RBFOX1: variants seen among roughly 807,000 people sequenced by gnomAD.
RBFOX1 encodes the protein RNA binding protein fox-1 homolog 1.
A neutral mutation model predicts 57.7 loss-of-function variants in RBFOX1; 8 were observed. The ratio of observed to expected loss-of-function variants is 0.14; its 90% CI spans 0.08 to 0.25. The LOEUF (loss-of-function observed/expected upper bound fraction) is 0.25. Among genes scored for constraint, RBFOX1 ranks in the 10% least tolerant of loss-of-function variants. The probability of loss-of-function intolerance (pLI) is 1.00; values close to 1 mark genes in which losing one functional copy is unlikely to be tolerated. For synonymous variants in RBFOX1, 326 were observed against 222.4 expected (o/e 1.47, Z -4.15); for missense variants, 611 against 548.5 (o/e 1.11, Z -1.14).
At chr16:6,315,532 CATGG>C (rs59618973) in intron 1 of RBFOX1, among the ~76,000 whole-genome samples, 66,555 of 140,774 alleles carry the variant, frequency 0.47, 15,990 homozygotes, top group African/African-American at 0.59. Flanking sequence ...TGGGTGAGTA[CATGG>C]ATGGATGGAT....
chr16:5,905,570 G>A lies in RBFOX1; in HGVS notation c.351+38235G>A, dbSNP rs572370022. ...CTACAAAAAAATGCAAAAACTGGCT[G>A]GATGTGGTGGTACACATCTGCCGTC... On this transcript the variant is annotated intron_variant, in intron 4 of 19. Transcript: ENST00000641259. Among the ~76,000 whole-genome samples, 47 of 152,244 alleles carry A rather than the reference G, an allele frequency of 3.1e-4. 2 individuals carry two copies. The highest frequency in any genetic ancestry group is 1.1e-3 in the African/African-American group (45 of 41,548).
At chr16:6,317,361 C>A (rs112968119) in intron 2 of RBFOX1, among the ~76,000 whole-genome samples, 3 of 151,670 alleles carry the variant, frequency 2.0e-5, no homozygotes, top group African/African-American at 4.8e-5. Flanking sequence ...TTTTTCTCCC[C>A]CTAAGGTTTT....
At chr16:6,666,335 A>T (rs990928865) in intron 3 of RBFOX1, among the ~76,000 whole-genome samples, 2 of 152,064 alleles carry the variant, frequency 1.3e-5, no homozygotes, top group Admixed American at 1.3e-4. Context: ...GGAGTTTGAA[A>T]CCAGCCTGGC....
chr16:6,818,990 C>A (rs530139220), intron 3 of RBFOX1, among the ~76,000 whole-genome samples: 17 of 84,598 alleles, frequency 2.0e-4, no homozygotes, highest in African/African-American at 5.2e-4. Context: ...GTCTGAGAAT[C>A]AAACTTGACA....
At chr16:6,918,332 C>G (rs2073715032) in intron 3 of RBFOX1, among the ~76,000 whole-genome samples, 1 of 151,584 alleles carries the variant, frequency 6.6e-6, no homozygotes, top group East Asian at 1.9e-4. Context: ...CCCAGGCCTA[C>G]CGAATCAGAC....
intron 3 of RBFOX1, among the ~76,000 whole-genome samples, chr16:6,691,645 A>G (rs2060224782): frequency 6.6e-6 from 1 of 152,188 alleles, no homozygotes; most frequent in African/African-American, 2.4e-5. Flanking sequence ...TGGCTTACAA[A>G]CGTAAAATGA....
intron 14 of RBFOX1, among the ~76,000 whole-genome samples, chr16:7,686,473 C>CCTTCGAACTAT (rs2076090883): frequency 6.6e-6 from 1 of 152,070 alleles, no homozygotes; most frequent in Non-Finnish European, 1.5e-5. Flanking sequence ...ATAAACCCAG[C>CCTTCGAACTAT]CTTCGAACTA....
At chr16:6,604,671 T>A (rs2097901932) in intron 2 of RBFOX1, among the ~76,000 whole-genome samples, 1 of 152,232 alleles carries the variant, frequency 6.6e-6, no homozygotes, top group Non-Finnish European at 1.5e-5. Flanking sequence ...TTTGTGCATA[T>A]TGAAACTTTT....
chr16:5,896,114 A>C (rs993261328), intron 4 of RBFOX1, among the ~76,000 whole-genome samples: 4 of 152,106 alleles, frequency 2.6e-5, no homozygotes, highest in Non-Finnish European at 5.9e-5. Context: ...AATTAGTATA[A>C]GGAAGGGAGA....
chr16:7,043,027 G>A (rs189277869), intron 3 of RBFOX1, among the ~76,000 whole-genome samples: 44 of 151,796 alleles, frequency 2.9e-4, no homozygotes, highest in Non-Finnish European at 4.6e-4. Flanking sequence ...AAGTTCCTTC[G>A]CTTCCATCCT....
intron 2 of RBFOX1, among the ~76,000 whole-genome samples, chr16:6,558,525 C>G (rs1376548400): frequency 6.6e-6 from 1 of 152,082 alleles, no homozygotes; most frequent in African/African-American, 2.4e-5. Flanking sequence ...AAATCAGCCT[C>G]CTGATGTAGA....
chr16:6,621,792 C>T (rs2098236513), intron 2 of RBFOX1, among the ~76,000 whole-genome samples: 1 of 152,064 alleles, frequency 6.6e-6, no homozygotes, highest in African/African-American at 2.4e-5. Context: ...ATGTGGCAAC[C>T]CCAGATAAAG....
chr16:6,246,465 G>T (rs921663656), intron 1 of RBFOX1, among the ~76,000 whole-genome samples: 4 of 152,074 alleles, frequency 2.6e-5, no homozygotes, highest in Non-Finnish European at 5.9e-5. Context: ...AAAAATTCCT[G>T]GGAAGGACTC....
intron 1 of RBFOX1, among the ~76,000 whole-genome samples, chr16:5,247,996 G>T (rs940677440): frequency 5.3e-5 from 8 of 152,142 alleles, no homozygotes; most frequent in Non-Finnish European, 1.0e-4. Flanking sequence ...TTTTGTATGG[G>T]GAAGAGAAAG....
intron 1 of RBFOX1, among the ~76,000 whole-genome samples, chr16:5,327,379 G>A (rs1307017313): frequency 6.6e-6 from 1 of 152,168 alleles, no homozygotes; most frequent in African/African-American, 2.4e-5. Context: ...TGAAGTTTAA[G>A]GACCACTCTC....
chr16:7,541,231 C>T (rs574042012), intron 5 of RBFOX1, among the ~76,000 whole-genome samples: 2 of 152,328 alleles, frequency 1.3e-5, no homozygotes, highest in East Asian at 1.9e-4. Flanking sequence ...ATAAGCCATT[C>T]AGCAAAATTG....
chr16:6,379,085 C>G (rs1816024986), intron 2 of RBFOX1, among the ~76,000 whole-genome samples: 1 of 152,104 alleles, frequency 6.6e-6, no homozygotes, highest in Non-Finnish European at 1.5e-5. Context: ...GGATGCCCAG[C>G]TTTCTAAACT....
intron 1 of RBFOX1, among the ~76,000 whole-genome samples, chr16:6,073,996 T>A (rs2095866216): frequency 6.6e-6 from 1 of 151,934 alleles, no homozygotes; most frequent in South Asian, 2.1e-4. Flanking sequence ...TCGCCCAGAG[T>A]GGAGTGCAGG....
intron 5 of RBFOX1, among the ~76,000 whole-genome samples, chr16:7,557,513 G>A (rs987986949): frequency 2.0e-5 from 3 of 149,394 alleles, no homozygotes; most frequent in Non-Finnish European, 3.0e-5. Flanking sequence ...CCACCTACTC[G>A]AGAGGCTGAG....
Sources: allele counts gnomAD v4.1 joint callset (sites outside exome capture counted in the v4.1 genomes callset), GRCh38; gene constraint gnomAD v4.1.1; transcripts MANE v1.5; gene names NCBI Gene and HGNC (gene_info 2026-07-23, HGNC 2026-07-21).